Variants in VIPR2 observed in about 807,000 individuals in gnomAD.
VIPR2 encodes the protein vasoactive intestinal peptide receptor 2.
VIPR2 carries 48 observed loss-of-function variants against 58.0 expected under a neutral mutation model. The observed-to-expected ratio is 0.83, with a 90% CI of 0.66 to 1.05. The LOEUF is 1.05. Among genes scored for constraint, VIPR2 ranks in the 50% least tolerant of loss-of-function variants. VIPR2 has a pLI of 0.00. For missense variants in VIPR2, 534 were observed against 558.0 expected (o/e 0.96, Z 0.43); for synonymous variants, 243 against 235.2 (o/e 1.03, Z -0.30).
intron 6 of VIPR2, among the ~76,000 whole-genome samples, chr7:159,041,409 G>A (rs1585344075): frequency 6.6e-6 from 1 of 151,774 alleles, no homozygotes; most frequent in East Asian, 1.9e-4. Flanking sequence ...GGTCCACTGA[G>A]GGTCTGTCGA....
At chr7:159,033,454 T>C (rs1428926855) in intron 10 of VIPR2, among the ~76,000 whole-genome samples, 1 of 152,262 alleles carries the variant, frequency 6.6e-6, no homozygotes, top group Non-Finnish European at 1.5e-5. Context: ...AGCCAGTGTT[T>C]AGTTTATACT....
intron 4 of VIPR2, among the ~76,000 whole-genome samples, chr7:159,063,392 C>G (rs1254811460): frequency 6.6e-6 from 1 of 152,064 alleles, no homozygotes; most frequent in East Asian, 2.0e-4. Flanking sequence ...GTGCTAAGCC[C>G]CTCACTGCCC....
At chr7:159,092,650 CTTTTT>C (rs60400731) in intron 4 of VIPR2, among the ~76,000 whole-genome samples, 1 of 133,700 alleles carries the variant, frequency 7.5e-6, no homozygotes, top group African/African-American at 2.8e-5. Context: ...CTTTTCTTTT[CTTTTT>C]TTTTTTTTTT....
chr7:159,144,204 A>T, intron 1 of VIPR2: 1 of 1,202,270 alleles, frequency 8.3e-7, no homozygotes, highest in African/African-American at 1.6e-5. Context: ...ACTTATGAGC[A>T]GTTAGTTCCT....
chr7:159,048,580 C>T (rs1328830320), intron 5 of VIPR2, among the ~76,000 whole-genome samples: 1 of 152,204 alleles, frequency 6.6e-6, no homozygotes, highest in Non-Finnish European at 1.5e-5. Flanking sequence ...ATGTAAATAG[C>T]TCATTAATAT....
intron 6 of VIPR2, among the ~76,000 whole-genome samples, chr7:159,038,551 C>T (rs1351974571): frequency 6.6e-6 from 1 of 152,144 alleles, no homozygotes; most frequent in Non-Finnish European, 1.5e-5. Context: ...CTTACTGCCA[C>T]TCATTTGAAA....
rs1020545026 is a variant in VIPR2, at chr7:159,099,941, G to A, written c.357+3816C>T. Among the ~76,000 whole-genome samples, 1 of 152,170 alleles carries A rather than the reference G, an allele frequency of 6.6e-6. No homozygotes were observed. The highest frequency in any genetic ancestry group is 1.5e-5 in the Non-Finnish European group (1 of 68,024). On this transcript the variant is annotated intron_variant, in intron 4 of 12. Transcript: ENST00000262178. The surrounding 1 kb of genome is among the most constrained non-coding windows in gnomAD (Gnocchi z 4.2). ...CCTCTCCCTGGCTGAGCTGGGTGCAGCCATGCGCCCCAGGATCCTCCCTGA... is the reference window on the plus strand; with the variant it reads ...CCTCTCCCTGGCTGAGCTGGGTGCAACCATGCGCCCCAGGATCCTCCCTGA...
At chr7:159,102,677 TC>T (rs1472057698) in intron 4 of VIPR2, among the ~76,000 whole-genome samples, 2 of 152,016 alleles carry the variant, frequency 1.3e-5, no homozygotes, top group Non-Finnish European at 1.5e-5. Flanking sequence ...ATTGCCACCA[TC>T]CCCTGGGGGC....
At chr7:159,107,458 C>G (rs1199625698) in intron 3 of VIPR2, among the ~76,000 whole-genome samples, 6 of 152,232 alleles carry the variant, frequency 3.9e-5, no homozygotes, top group Non-Finnish European at 8.8e-5. Flanking sequence ...TCTATGCAGA[C>G]AGTTGGCTCA....
intron 5 of VIPR2, among the ~76,000 whole-genome samples, chr7:159,057,782 G>A (rs773270263): frequency 1.3e-5 from 2 of 152,080 alleles, no homozygotes; most frequent in Non-Finnish European, 2.9e-5. Flanking sequence ...CAACCCAAAT[G>A]AACAATGATT....
Position 159,099,906 on chromosome 7 carries a change from C to T in VIPR2, c.357+3851G>A, listed in dbSNP as rs1268851449. On this transcript the variant is annotated intron_variant, in intron 4 of 12. Transcript: ENST00000262178. This position sits in a 1 kb window ranked among gnomAD's most constrained non-coding sequence, Gnocchi z 4.2. The stretch of plus-strand genomic sequence containing the variant: ...CCATGGTGTGTGATGACAGAGGCCG[C>T]AATGTTCCCCCTCTCCCTGGCTGAG... Among the ~76,000 whole-genome samples the T allele has an allele frequency of 6.6e-6, 1 of 152,158 alleles. No homozygotes were observed. Among genetic ancestry groups the T allele is most frequent in the East Asian group, 1.9e-4 (1 of 5,176 alleles).
intron 2 of VIPR2, among the ~76,000 whole-genome samples, chr7:159,123,943 A>G (rs913480268): frequency 5.9e-5 from 9 of 152,174 alleles, no homozygotes; most frequent in African/African-American, 2.2e-4. Flanking sequence ...GGTTGCATGT[A>G]TGTTTTCTTT....
chr7:159,031,583 C>A lies in VIPR2; in HGVS notation c.1143+245G>T. The A allele has an allele frequency of 1.0e-6, 1 of 985,338 alleles. No homozygotes were observed. The highest frequency in any genetic ancestry group is 5.2e-4 in the Middle Eastern group (1 of 1,914). 61.0% of individuals were successfully genotyped at this position (985,338 alleles called of 1,614,324 possible). On this transcript the variant is annotated intron_variant, in intron 12 of 12. Coordinates refer to ENST00000262178, the MANE Select transcript of VIPR2 (RefSeq NM_003382.5). This position sits in a 1 kb window ranked among gnomAD's most constrained non-coding sequence, Gnocchi z 4.0. ...GAGCTTTCCCGAGAGGGCTCCGAGA[C>A]GGACGGCAGTCGATGCTACTTAGGG...
At chr7:159,091,693 C>T (rs78562623) in intron 4 of VIPR2, among the ~76,000 whole-genome samples, 2,121 of 152,250 alleles carry the variant, frequency 0.014, 32 homozygotes, top group Admixed American at 0.034. Context: ...GTTCCCGGGA[C>T]GCGAGCACTG....
chr7:159,091,680 G>A (rs1267227177), intron 4 of VIPR2, among the ~76,000 whole-genome samples: 1 of 152,170 alleles, frequency 6.6e-6, no homozygotes, highest in African/African-American at 2.4e-5. Flanking sequence ...GCCTCCTCCT[G>A]TGGTTCCCGG....
At chr7:159,039,213 C>T (rs1288345550) in intron 6 of VIPR2, among the ~76,000 whole-genome samples, 2 of 152,220 alleles carry the variant, frequency 1.3e-5, no homozygotes, top group Admixed American at 6.5e-5. Context: ...AATCCCAGCA[C>T]TTTGGGAGGC....
chr7:159,043,987 G>T (rs188022390), intron 5 of VIPR2, among the ~76,000 whole-genome samples: 1 of 152,162 alleles, frequency 6.6e-6, no homozygotes, highest in Non-Finnish European at 1.5e-5. Context: ...CCAGGTGCAC[G>T]TTCAGGGCAG....
rs1349161686 is a variant in VIPR2, at chr7:159,028,570, C to T, written c.*2046G>A. The T allele has an allele frequency of 1.3e-5, 2 of 152,412 alleles. No individual in the cohort carries two copies. The highest frequency in any genetic ancestry group is 2.4e-5 in the African/African-American group (1 of 41,480). 9.4% of individuals were successfully genotyped at this position (152,412 alleles called of 1,614,324 possible). On this transcript the variant is annotated 3_prime_UTR_variant, in exon 13 of 13. Coordinates refer to ENST00000262178, the MANE Select transcript of VIPR2 (RefSeq NM_003382.5). The stretch of plus-strand genomic sequence containing the variant: ...GCCACTGACCCAACACCTTCAGTTA[C>T]CACAAATCTTTGTTTCCTCAAAAAC...
intron 4 of VIPR2, among the ~76,000 whole-genome samples, chr7:159,065,741 T>C (rs1423432764): frequency 6.6e-6 from 1 of 152,180 alleles, no homozygotes; most frequent in Non-Finnish European, 1.5e-5. Context: ...TGAAAGTGCT[T>C]TGCTCCTCCG....
Sources: allele counts gnomAD v4.1 joint callset (sites outside exome capture counted in the v4.1 genomes callset), GRCh38; gene constraint gnomAD v4.1.1; non-coding constraint Gnocchi (gnomAD v3.1); transcripts MANE v1.5; gene names NCBI Gene and HGNC (gene_info 2026-07-23, HGNC 2026-07-21).